The following LRRC37A variants were observed in gnomAD, a reference collection of about 807,000 sequenced individuals.
The protein encoded by LRRC37A is leucine-rich repeat-containing protein 37A.
LRRC37A carries 3 observed loss-of-function variants against 35.4 expected under a neutral mutation model. That is an observed-to-expected ratio of 0.08 (90% CI 0.04 to 0.22). The LOEUF (loss-of-function observed/expected upper bound fraction) is 0.22, where lower values mean the gene tolerates loss of function less well. Ranked by LOEUF, LRRC37A falls within the 10% of genes least tolerant of loss-of-function variation. The probability of loss-of-function intolerance (pLI) is 1.00; values close to 1 mark genes in which losing one functional copy is unlikely to be tolerated. For missense variants in LRRC37A, 67 were observed against 565.3 expected (o/e 0.12, Z 8.94); for synonymous variants, 23 against 215.0 (o/e 0.11, Z 7.81).
the LRRC37A span, among the ~76,000 whole-genome samples, chr17:46,273,964 T>C: frequency 1.3e-5 from 2 of 152,226 alleles, no homozygotes; most frequent in Admixed American, 6.5e-5. Flanking sequence ...TCTTGTCGCA[T>C]TACCTTTTTC....
chr17:46,267,454 C>T, the LRRC37A span: 14 of 1,613,094 alleles, frequency 8.7e-6, no homozygotes, highest in South Asian at 1.4e-4. Context: ...TCTTCTTCTT[C>T]CGAGTCCACA....
chr17:46,259,507 T>C, the LRRC37A span: 2 of 1,599,238 alleles, frequency 1.3e-6, no homozygotes, highest in Non-Finnish European at 1.7e-6. Context: ...TGATACAGGC[T>C]CTGCATGCCC....
the LRRC37A span, among the ~76,000 whole-genome samples, chr17:46,248,167 A>AT: frequency 6.6e-6 from 1 of 151,714 alleles, no homozygotes; most frequent in Non-Finnish European, 1.5e-5. Context: ...ACTGTAAGTT[A>AT]TTTTTTTCTT....
chr17:46,252,666 G>A, the LRRC37A span, among the ~76,000 whole-genome samples: 1 of 150,778 alleles, frequency 6.6e-6, no homozygotes, highest in East Asian at 1.9e-4. Context: ...CACAGCACAT[G>A]TTTCAGAGAG....
At chr17:46,251,453 T>TA in the LRRC37A span, among the ~76,000 whole-genome samples, 1 of 152,144 alleles carries the variant, frequency 6.6e-6, no homozygotes, top group East Asian at 1.9e-4. Flanking sequence ...AGATGGGGTT[T>TA]CTCCATGTTG....
At chr17:46,262,359 C>CTCTTCT in the LRRC37A span, among the ~76,000 whole-genome samples, 456 of 150,924 alleles carry the variant, frequency 3.0e-3, 3 homozygotes, top group Middle Eastern at 0.021. Flanking sequence ...CTCCCTTCCC[C>CTCTTCT]TCTTCTTCTT....
chr17:46,260,446 T>C, the LRRC37A span: 2 of 1,565,398 alleles, frequency 1.3e-6, no homozygotes, highest in Non-Finnish European at 1.7e-6. Flanking sequence ...TGAACACCTC[T>C]GACCCAGCCG....
the LRRC37A span, among the ~76,000 whole-genome samples, chr17:46,276,740 A>C: frequency 3.9e-5 from 6 of 152,042 alleles, no homozygotes; most frequent in Non-Finnish European, 8.8e-5. Flanking sequence ...AAAATGCAAC[A>C]GCAAGTTGTC....
chr17:46,289,625 C>A (rs1376297374), upstream of LRRC37A, among the ~76,000 whole-genome samples: 1 of 152,164 alleles, frequency 6.6e-6, no homozygotes, highest in African/African-American at 2.4e-5. Flanking sequence ...CAAGTGTGAG[C>A]CACTGTGCCC....
chr17:46,274,864 GT>G, the LRRC37A span: 1 of 152,004 alleles, frequency 6.6e-6, no homozygotes, highest in African/African-American at 2.4e-5. Context: ...TAATGGTGTC[GT>G]TGACTTTTCT....
chr17:46,261,226 T>TAAA, the LRRC37A span, among the ~76,000 whole-genome samples: 12 of 151,750 alleles, frequency 7.9e-5, no homozygotes, highest in Non-Finnish European at 1.3e-4. Flanking sequence ...AATTTTTTTT[T>TAAA]AGAAAAAGAG....
At chr17:46,253,972 T>A in the LRRC37A span, among the ~76,000 whole-genome samples, 2 of 152,174 alleles carry the variant, frequency 1.3e-5, no homozygotes, top group African/African-American at 2.4e-5. Flanking sequence ...AGAAGGGGGA[T>A]GCAAGTGGCC....
intron 5 of LRRC37A, among the ~76,000 whole-genome samples, chr17:46,308,798 C>CA (rs970162535): frequency 4.0e-5 from 3 of 75,446 alleles, no homozygotes; most frequent in African/African-American, 1.0e-4. Flanking sequence ...AAAAAACAAA[C>CA]AAAAAAAGAG....
chr17:46,265,228 C>T, the LRRC37A span, among the ~76,000 whole-genome samples: 2 of 152,058 alleles, frequency 1.3e-5, no homozygotes, highest in African/African-American at 4.8e-5. Context: ...TGATTTAATG[C>T]TCAACGGACA....
chr17:46,267,180 C>T, the LRRC37A span: 1 of 585,878 alleles, frequency 1.7e-6, no homozygotes, highest in Admixed American at 3.5e-5. Context: ...GCCGCCGCCC[C>T]GCGAGCCTTT....
the LRRC37A span, among the ~76,000 whole-genome samples, chr17:46,272,396 A>G: frequency 1.7e-5 from 2 of 115,122 alleles, no homozygotes; most frequent in Non-Finnish European, 2.3e-5. Context: ...TTATGTTCTA[A>G]AAAATGTATG....
At chr17:46,248,279 A>C in the LRRC37A span, among the ~76,000 whole-genome samples, 9,644 of 132,784 alleles carry the variant, frequency 0.073, no homozygotes, top group Middle Eastern at 0.12. Context: ...CACCCTTTTT[A>C]AGTGTACAAT....
At chr17:46,251,249 G>A in the LRRC37A span, among the ~76,000 whole-genome samples, 12 of 151,162 alleles carry the variant, frequency 7.9e-5, no homozygotes, top group South Asian at 2.1e-4. Context: ...CAAGGACGCT[G>A]CTTAACATCT....
chr17:46,294,182 G>GC (rs1482114545), upstream of LRRC37A, among the ~76,000 whole-genome samples: 3 of 76,412 alleles, frequency 3.9e-5, 1 homozygote, highest in African/African-American at 9.3e-5. Context: ...ACCACACCCG[G>GC]CCCCCCTTCA....
Sources: gnomAD v4.1 joint callset for allele counts (sites outside exome capture counted in the v4.1 genomes callset) on GRCh38, gnomAD v4.1.1 for gene constraint, MANE v1.5 for transcripts, NCBI Gene and HGNC (gene_info 2026-07-23, HGNC 2026-07-21) for gene names.